AKT3: variants seen among roughly 807,000 people sequenced by gnomAD.
The protein encoded by AKT3 is AKT serine/threonine kinase 3.
In AKT3, 15 loss-of-function variants were observed where a neutral mutation model predicts 65.3. The observed-to-expected ratio is 0.23, with a 90% CI of 0.15 to 0.35. AKT3 has a LOEUF of 0.35. Among genes scored for constraint, AKT3 ranks in the 10% least tolerant of loss-of-function variants. The pLI is 1.00. For synonymous variants in AKT3, 206 were observed against 183.8 expected (o/e 1.12, Z -0.98); for missense variants, 243 against 576.5 (o/e 0.42, Z 5.92).
At chr1:243,739,672 A>G (rs1298126037) in intron 2 of AKT3, 1 of 152,132 alleles carries the variant, frequency 6.6e-6, no homozygotes, top group Non-Finnish European at 1.5e-5. Flanking sequence ...AAGCCCCTCA[A>G]CCACGTCCTG....
chr1:243,600,973 T>C (rs1393349252), intron 8 of AKT3, among the ~76,000 whole-genome samples: 1 of 152,084 alleles, frequency 6.6e-6, no homozygotes, highest in Non-Finnish European at 1.5e-5. Flanking sequence ...CGAGGCTCTG[T>C]TGTGAAAGAA....
At chr1:243,585,694 G>T (rs906836946) in intron 8 of AKT3, among the ~76,000 whole-genome samples, 1 of 152,042 alleles carries the variant, frequency 6.6e-6, no homozygotes, top group Non-Finnish European at 1.5e-5. Context: ...CATACGCAGA[G>T]GAATGAAACT....
At chr1:243,674,865 G>A (rs557184895) in intron 3 of AKT3, among the ~76,000 whole-genome samples, 38 of 152,278 alleles carry the variant, frequency 2.5e-4, no homozygotes, top group Middle Eastern at 3.4e-3. Context: ...AGATGTGCAG[G>A]TTTGTTACAT....
intron 3 of AKT3, among the ~76,000 whole-genome samples, chr1:243,678,485 T>C (rs1683686585): frequency 1.3e-5 from 2 of 152,200 alleles, no homozygotes; most frequent in African/African-American, 2.4e-5. Flanking sequence ...TTGCTTTCTA[T>C]TATATCTTTC....
intron 8 of AKT3, among the ~76,000 whole-genome samples, chr1:243,595,513 C>A (rs1046983036): frequency 6.6e-6 from 1 of 152,112 alleles, no homozygotes; most frequent in Non-Finnish European, 1.5e-5. Context: ...TTTTTAAAAA[C>A]GCCTTGACTC....
intron 2 of AKT3, chr1:243,817,910 A>C (rs1693624136): frequency 6.6e-6 from 1 of 152,376 alleles, no homozygotes; most frequent in East Asian, 1.9e-4. Context: ...GATAAATGCT[A>C]AATTGTAATA....
chr1:243,773,156 T>A (rs1041134230), intron 2 of AKT3, among the ~76,000 whole-genome samples: 1 of 150,658 alleles, frequency 6.6e-6, no homozygotes, highest in Non-Finnish European at 1.5e-5. Flanking sequence ...CTGCACGTTG[T>A]GCACATGTAC....
At chr1:243,714,045 CTTT>C in intron 2 of AKT3, among the ~76,000 whole-genome samples, 1 of 152,212 alleles carries the variant, frequency 6.6e-6, no homozygotes, top group Non-Finnish European at 1.5e-5. Flanking sequence ...TTTTTCCTCT[CTTT>C]TTAAAGACAG....
intron 4 of AKT3, among the ~76,000 whole-genome samples, chr1:243,649,810 T>C (rs992736864): frequency 6.6e-6 from 1 of 152,226 alleles, no homozygotes; most frequent in African/African-American, 2.4e-5. Context: ...ATCCCGTCTA[T>C]CACTGATGGA....
chr1:243,531,637 G>T (rs1671538729), intron 12 of AKT3, among the ~76,000 whole-genome samples: 1 of 151,928 alleles, frequency 6.6e-6, no homozygotes, highest in South Asian at 2.1e-4. Flanking sequence ...AATTTGAGTT[G>T]TTTTTTATTC....
chr1:243,563,684 C>G (rs1430285584), intron 10 of AKT3, 36 bp downstream of exon 10: 2 of 1,572,526 alleles, frequency 1.3e-6, no homozygotes, highest in Non-Finnish European at 1.7e-6. Context: ...ATCATTATGT[C>G]AATGTTACTT....
intron 2 of AKT3, among the ~76,000 whole-genome samples, chr1:243,774,919 T>G (rs202100986): frequency 6.6e-6 from 1 of 152,096 alleles, no homozygotes; most frequent in Admixed American, 6.5e-5. Context: ...CTGGAATGCA[T>G]TGGTGCAAAT....
intron 6 of AKT3, among the ~76,000 whole-genome samples, chr1:243,620,904 C>T (rs1024402885): frequency 9.9e-5 from 15 of 152,054 alleles, no homozygotes; most frequent in Admixed American, 2.6e-4. Flanking sequence ...CTCTCTCATA[C>T]GCGGTATTGG....
chr1:243,704,657 C>CTA (rs1685680542), intron 2 of AKT3, among the ~76,000 whole-genome samples: 1 of 152,210 alleles, frequency 6.6e-6, no homozygotes, highest in African/African-American at 2.4e-5. Context: ...CGATTTGCTG[C>CTA]TATGTTGATT....
At chr1:243,523,311 T>G (rs1160201095) in intron 12 of AKT3, among the ~76,000 whole-genome samples, 1 of 107,614 alleles carries the variant, frequency 9.3e-6, no homozygotes, top group Non-Finnish European at 2.0e-5. Flanking sequence ...ACACACACCT[T>G]TCAGAAACCA....
Position 243,600,808 on chromosome 1 carries a change from A to G in AKT3, c.696+12863T>C, listed in dbSNP as rs370687327. Among the ~76,000 whole-genome samples, 6 of 152,322 alleles carry G rather than the reference A, an allele frequency of 3.9e-5. No individual in the cohort carries two copies. The East Asian group carries it at 1.2e-3, about 29-fold the overall frequency. ...CTTAACAAACTTCAGTTAGAAAAAG[A>G]TGTTTTAAAAACAAAATGTACAAAT... On this transcript the variant is annotated intron_variant, in intron 8 of 13. Transcript: ENST00000673466.
intron 3 of AKT3, among the ~76,000 whole-genome samples, chr1:243,677,197 A>ACTCC (rs1206422542): frequency 1.3e-5 from 2 of 151,856 alleles, no homozygotes; most frequent in African/African-American, 4.8e-5. Flanking sequence ...CCTGACACAT[A>ACTCC]CTCCCTTCCT....
At chr1:243,490,696 G>A (rs988048083) in intron 13 of AKT3, among the ~76,000 whole-genome samples, 5 of 152,238 alleles carry the variant, frequency 3.3e-5, no homozygotes, top group Non-Finnish European at 2.9e-5. Flanking sequence ...GGCTGAGGAC[G>A]TGTGAGGGTG....
At chr1:243,626,610 T>C (rs1314377898) in intron 6 of AKT3, among the ~76,000 whole-genome samples, 1 of 152,184 alleles carries the variant, frequency 6.6e-6, no homozygotes, top group African/African-American at 2.4e-5. Flanking sequence ...GAAGGCCATA[T>C]GCACACCTGT....
Sources: gnomAD v4.1 joint callset for allele counts (sites outside exome capture counted in the v4.1 genomes callset) on GRCh38, gnomAD v4.1.1 for gene constraint, MANE v1.5 for transcripts, NCBI Gene and HGNC (gene_info 2026-07-23, HGNC 2026-07-21) for gene names.